The following SDHB variants were observed in gnomAD, a reference collection of about 807,000 sequenced individuals.
SDHB encodes the protein succinate dehydrogenase [ubiquinone] iron-sulfur subunit, mitochondrial.
SDHB carries 21 observed loss-of-function variants against 39.7 expected under a neutral mutation model. That is an observed-to-expected ratio of 0.53 (90% CI 0.37 to 0.76). The LOEUF (loss-of-function observed/expected upper bound fraction) is 0.76. SDHB is among the 30% of genes least tolerant of loss of function. SDHB has a pLI of 0.00. For synonymous variants in SDHB, 118 were observed against 117.0 expected (o/e 1.01, Z -0.06); for missense variants, 343 against 350.9 (o/e 0.98, Z 0.18).
chr1:17,029,592 C>A (rs1219061371), intron 3 of SDHB, among the ~76,000 whole-genome samples: 2 of 152,118 alleles, frequency 1.3e-5, no homozygotes, highest in Admixed American at 1.3e-4. Context: ...CGCCTGGAAA[C>A]CTAGATTTTT....
chr1:17,050,035 C>T (rs1309464123), intron 1 of SDHB, among the ~76,000 whole-genome samples: 3 of 152,074 alleles, frequency 2.0e-5, no homozygotes, highest in Non-Finnish European at 2.9e-5. Flanking sequence ...AACCACAAGG[C>T]CTGTGGGATG....
At chr1:17,020,201 G>A (rs912516063) in intron 7 of SDHB, among the ~76,000 whole-genome samples, 6 of 152,038 alleles carry the variant, frequency 3.9e-5, no homozygotes, top group Non-Finnish European at 7.4e-5. Context: ...GTCCCCACAG[G>A]GTCAGTAAGG....
rs570189867 is a variant in SDHB at position 17,036,235 on chromosome 1, T to C, written c.201-3090A>G. 2.6e-5 allele frequency among the ~76,000 whole-genome samples: 4 copies of C among 152,314 alleles called. No homozygotes were observed. The South Asian group carries it at 6.2e-4, about 24-fold the overall frequency. On this transcript the variant is annotated intron_variant, in intron 2 of 7. Coordinates refer to ENST00000375499, the MANE Select transcript of SDHB (RefSeq NM_003000.3). ...AGTCTTCCAACCCACAAACAGGGCA[T>C]GTCTTTCCATTTATTTATGTCTTCT...
chr1:17,043,747 A>C (rs1377237665), intron 2 of SDHB, among the ~76,000 whole-genome samples: 1 of 152,178 alleles, frequency 6.6e-6, no homozygotes, highest in Non-Finnish European at 1.5e-5. Context: ...GCTTTTGACG[A>C]TGGAAGAAGA....
intron 1 of SDHB, among the ~76,000 whole-genome samples, chr1:17,051,288 T>C (rs779388081): frequency 7.2e-5 from 11 of 152,180 alleles, no homozygotes; most frequent in Non-Finnish European, 1.5e-4. Context: ...AGTACATTCC[T>C]AGGAAATCTT....
intron 1 of SDHB, among the ~76,000 whole-genome samples, chr1:17,047,048 A>C (rs2078113914): frequency 6.6e-6 from 1 of 152,146 alleles, no homozygotes; most frequent in Admixed American, 6.5e-5. Flanking sequence ...TTATAGATTC[A>C]TATGCATTTA....
intron 2 of SDHB, among the ~76,000 whole-genome samples, chr1:17,039,605 T>G (rs146830152): frequency 6.4e-4 from 97 of 152,000 alleles, no homozygotes; most frequent in Admixed American, 1.1e-3. Context: ...GATGACAGAG[T>G]GAGGCCCTGT....
At chr1:17,033,651 G>A (rs754967174) in intron 2 of SDHB, among the ~76,000 whole-genome samples, 5 of 152,212 alleles carry the variant, frequency 3.3e-5, no homozygotes, top group East Asian at 1.9e-4. Flanking sequence ...GGTACTAAGC[G>A]GAGCATCCCT....
intron 7 of SDHB, among the ~76,000 whole-genome samples, chr1:17,021,720 G>C (rs185842301): frequency 1.4e-4 from 22 of 151,980 alleles, no homozygotes; most frequent in African/African-American, 5.1e-4. Flanking sequence ...TTGCACTCCA[G>C]CCTGGGCAAC....
intron 3 of SDHB, among the ~76,000 whole-genome samples, chr1:17,029,449 GAGA>G (rs2078011266): frequency 6.9e-6 from 1 of 145,590 alleles, no homozygotes; most frequent in Non-Finnish European, 1.5e-5. Flanking sequence ...TTTTTTCTTT[GAGA>G]AGGAGTTTTG....
intron 3 of SDHB, among the ~76,000 whole-genome samples, chr1:17,030,989 A>G (rs1490323448): frequency 7.7e-5 from 11 of 143,526 alleles, no homozygotes; most frequent in African/African-American, 5.2e-5. Context: ...AAGGGAGTCT[A>G]TGTTTCCCAG....
At chr1:17,024,215 G>A (rs1018161300) in intron 5 of SDHB, 141 bp from the exon 6 acceptor site, 4 of 700,742 alleles carry the variant, frequency 5.7e-6, no homozygotes, top group Non-Finnish European at 1.0e-5. Flanking sequence ...AAATCCAAGG[G>A]GTGATTTGCA....
chr1:17,035,900 A>T (rs1372030488), intron 2 of SDHB, among the ~76,000 whole-genome samples: 2 of 152,106 alleles, frequency 1.3e-5, no homozygotes, highest in Non-Finnish European at 2.9e-5. Flanking sequence ...AAATAAATTC[A>T]AATCAAAGGT....
In SDHB at chr1:17,053,940, G is replaced by A. The variant is rs1570963404; in HGVS notation, c.72+8C>T. 16 of 1,610,344 alleles carry A rather than the reference G, an allele frequency of 9.9e-6. No individual in the cohort carries two copies. The highest frequency in any genetic ancestry group is 1.4e-5 in the Non-Finnish European group (16 of 1,177,416). ...TGACTTTTCCCTCTCTGAGGCTCCA[G>A]GACTCACCTGCAGGCAGGCTCCGCC... On this transcript the variant is annotated splice_region_variant and intron_variant, in intron 1 of 7. Coordinates refer to ENST00000375499, the MANE Select transcript of SDHB (RefSeq NM_003000.3).
chr1:17,051,229 G>A (rs1487423329), intron 1 of SDHB, among the ~76,000 whole-genome samples: 2 of 152,190 alleles, frequency 1.3e-5, no homozygotes, highest in Non-Finnish European at 2.9e-5. Flanking sequence ...AGGGCCCCTT[G>A]AAAGCATTTT....
At chr1:17,032,215 T>C (rs2078027277) in intron 3 of SDHB, among the ~76,000 whole-genome samples, 1 of 151,894 alleles carries the variant, frequency 6.6e-6, no homozygotes, top group African/African-American at 2.4e-5. Context: ...TTTTTTTTTT[T>C]TTTGAGACTG....
chr1:17,032,007 G>A (rs974178806), intron 3 of SDHB, among the ~76,000 whole-genome samples: 9 of 152,090 alleles, frequency 5.9e-5, no homozygotes, highest in East Asian at 1.9e-4. Flanking sequence ...GAACAGAGCC[G>A]GGCACACAGT....
intron 7 of SDHB, among the ~76,000 whole-genome samples, chr1:17,019,183 G>T (rs1045712494): frequency 2.7e-4 from 41 of 152,182 alleles, no homozygotes; most frequent in Admixed American, 4.6e-4. Flanking sequence ...CTGCCACGTT[G>T]AATTCCTTCT....
intron 2 of SDHB, among the ~76,000 whole-genome samples, chr1:17,039,464 G>A (rs1015027873): frequency 1.3e-5 from 2 of 150,434 alleles, no homozygotes; most frequent in Non-Finnish European, 3.0e-5. Context: ...GTACATGCCT[G>A]TAGTCCCAGG....
Sources: gnomAD v4.1 joint callset for allele counts (sites outside exome capture counted in the v4.1 genomes callset) on GRCh38, gnomAD v4.1.1 for gene constraint, MANE v1.5 for transcripts, NCBI Gene and HGNC (gene_info 2026-07-23, HGNC 2026-07-21) for gene names.